Variants in ECE2 observed in about 807,000 individuals in gnomAD.
ECE2 encodes the protein endothelin-converting enzyme 2.
In ECE2, 81 loss-of-function variants were observed where a neutral mutation model predicts 100.6. The ratio of observed to expected loss-of-function variants is 0.81; its 90% CI spans 0.67 to 0.97. The LOEUF (loss-of-function observed/expected upper bound fraction) is 0.97. Ranked by LOEUF, ECE2 falls within the 50% of genes least tolerant of loss-of-function variation. ECE2 has a pLI of 0.00. For synonymous variants in ECE2, 391 were observed against 391.5 expected (o/e 1.00, Z 0.02); for missense variants, 911 against 988.1 (o/e 0.92, Z 1.05).
intron 9 of ECE2, among the ~76,000 whole-genome samples, 171 bp downstream of exon 9, chr3:184,285,276 C>T (rs900960412): frequency 1.3e-5 from 2 of 152,074 alleles, no homozygotes; most frequent in Non-Finnish European, 2.9e-5. Context: ...GCAGGGTGCT[C>T]CCTGTGATCT....
chr3:184,277,927 A>T lies in ECE2; in HGVS notation c.481A>T (p.Asn161Tyr), dbSNP rs1720636500. Residue 161 changes from asparagine to tyrosine, a missense_variant and splice_region_variant, in exon 5 of 19, where the codon AAC becomes TAC. Coordinates refer to ENST00000404464, the MANE Select transcript of ECE2 (RefSeq NM_001100121.2). ...NQAILKHLLE[N>Y]TTFNSSSEAE... Reference sequence around the variant, plus strand: ...GGATCCTGTGTTCTGCCCCACAGAAAACACCACCTTCAACTCCAGCAGTGA... The same window carrying T: ...GGATCCTGTGTTCTGCCCCACAGAATACACCACCTTCAACTCCAGCAGTGA... 2 of 1,611,780 alleles carry T rather than the reference A, an allele frequency of 1.2e-6. No homozygotes were observed. Among genetic ancestry groups the T allele is most frequent in the African/African-American group, 2.7e-5 (2 of 74,862 alleles).
intron 7 of ECE2, among the ~76,000 whole-genome samples, chr3:184,283,463 GC>G (rs1309579400): frequency 4.1e-5 from 6 of 147,956 alleles, no homozygotes; most frequent in African/African-American, 5.0e-5. Flanking sequence ...TTGGGAGGCT[GC>G]AGCAGGAGAA....
chr3:184,277,068 G>A, intron 3 of ECE2, 41 bp downstream of exon 3: 1 of 1,612,636 alleles, frequency 6.2e-7, no homozygotes, highest in African/African-American at 1.3e-5. Context: ...CATAACTAGG[G>A]GTTCTGGAGG....
chr3:184,291,706 G>GGGTGGGGCAAAT lies in ECE2; in HGVS notation c.2121+272_2121+273insGGCAAATGGTGG. Reference sequence around the variant, plus strand: ...AAGGTTGTCGTGCTTGCGGGGCACAGGGTGGCGAAGGGGGCAAACGTTCAT... The same window carrying GGGTGGGGCAAAT: ...AAGGTTGTCGTGCTTGCGGGGCACAGGGTGGGGCAAATGGTGGCGAAGGGGGCAAACGTTCAT... On this transcript the variant is annotated intron_variant, in intron 18 of 18. Transcript: ENST00000404464. The surrounding 1 kb of genome is among the most constrained non-coding windows in gnomAD (Gnocchi z 4.1). 2 of 512,224 alleles carry GGGTGGGGCAAAT rather than the reference G, an allele frequency of 3.9e-6. No individual in the cohort carries two copies. The highest frequency in any genetic ancestry group is 6.9e-6 in the Non-Finnish European group (2 of 290,074). The allele number at this position is 512,224 out of a possible 1,614,324, so 31.7% of individuals were successfully genotyped here.
chr3:184,276,151 A>G lies in ECE2; in HGVS notation c.-3A>G, dbSNP rs1275205498. 10 of 1,425,782 alleles carry G rather than the reference A, an allele frequency of 7.0e-6. No homozygotes were observed. The highest frequency in any genetic ancestry group is 9.1e-6 in the Non-Finnish European group (10 of 1,095,824). 88.3% of individuals were successfully genotyped at this position (1,425,782 alleles called of 1,614,324 possible). On this transcript the variant is annotated 5_prime_UTR_variant, in exon 1 of 19. Transcript: ENST00000404464. Reference sequence around the variant, plus strand: ...CTGAATCACCGCCTGGCCCGACTCCACCATGAACGTCGCGCTGCAGGAGCT... The same window carrying G: ...CTGAATCACCGCCTGGCCCGACTCCGCCATGAACGTCGCGCTGCAGGAGCT...
At chr3:184,276,783 G>A in intron 2 of ECE2, 109 bp from the exon 3 acceptor site, 6 of 1,566,866 alleles carry the variant, frequency 3.8e-6, no homozygotes, top group Non-Finnish European at 5.2e-6. Flanking sequence ...TTGCCCCCGG[G>A]CCCAGAGTTA....
At position 184,276,028 on chromosome 3, in the gene ECE2, G is replaced by A. The variant is rs1428703556; in HGVS notation, c.-126G>A. 14 of 1,060,712 alleles carry A rather than the reference G, an allele frequency of 1.3e-5. No homozygotes were observed. Among genetic ancestry groups the A allele is most frequent in the African/African-American group, 1.2e-4 (7 of 59,376 alleles). The allele number at this position is 1,060,712 out of a possible 1,614,324, so 65.7% of individuals were successfully genotyped here. ...GGCGGGGGGGGGGGCGGCCGCGGCCGAGCGGGGGTGCTGCGCGGCGGCCGT... is the reference window on the plus strand; with the variant it reads ...GGCGGGGGGGGGGGCGGCCGCGGCCAAGCGGGGGTGCTGCGCGGCGGCCGT... On this transcript the variant is annotated 5_prime_UTR_variant, in exon 1 of 19. Coordinates refer to ENST00000404464, the MANE Select transcript of ECE2 (RefSeq NM_001100121.2).
rs1721242413 is a variant in ECE2, at chr3:184,290,145, C to T, written c.1552-110C>T. The T allele has an allele frequency of 5.0e-5, 41 of 816,578 alleles. 1 individual carries two copies. The South Asian group carries it at 7.0e-4, about 14-fold the overall frequency. The allele number at this position is 816,578 out of a possible 1,614,324, so 50.6% of individuals were successfully genotyped here. On this transcript the variant is annotated intron_variant, in intron 13 of 18. Transcript: ENST00000404464. ...CAATTATGGTTTACTAGATATTTTA[C>T]AGTTGAGGAAACTGAGGTTTGGAGA...
In ECE2 at chr3:184,290,664, C is replaced by G; in HGVS notation, c.1763C>G (p.Pro588Arg). 1 of 1,613,984 alleles carries G rather than the reference C, an allele frequency of 6.2e-7. No individual in the cohort carries two copies. Among genetic ancestry groups the G allele is most frequent in the Non-Finnish European group, 8.5e-7 (1 of 1,179,948 alleles). The change falls in exon 15 of 19, where the codon CCC becomes CGC. Residue 588 changes from proline (P) to arginine (R), a missense_variant. Physicochemically the swap from Pro to Arg is moderately radical, Grantham distance 103. Transcript: ENST00000404464. The part of the protein sequence containing the change: ...LQAPFYARNH[P>R]KALNFGGIGV... The stretch of plus-strand genomic sequence containing the variant: ...GCCCCCTTCTATGCCCGCAACCACC[C>G]CAAGTGTGTCTGAAGCAGGAGGGGC...
chr3:184,283,123 C>T (rs1577139108), intron 7 of ECE2, among the ~76,000 whole-genome samples: 1 of 152,162 alleles, frequency 6.6e-6, no homozygotes, highest in Admixed American at 6.5e-5. Flanking sequence ...GAAGTAGGCC[C>T]ATCTGCTGGA....
chr3:184,290,236 CTTCCCACCT>C lies in ECE2; in HGVS notation c.1552-11_1552-3del, dbSNP rs1721247240. 6.3e-7 allele frequency: 1 copy of C among 1,597,968 alleles called. No homozygotes were observed. ...AATGGATTCTCTTGCTCTCTTTCTA[CTTCCCACCT>C]TTCCCACAGTACGAAATTTCTGAAG... On this transcript the variant is annotated splice_polypyrimidine_tract_variant and intron_variant, in intron 13 of 18. Coordinates refer to ENST00000404464, the MANE Select transcript of ECE2 (RefSeq NM_001100121.2).
At chr3:184,283,405 AC>A (rs1395856190) in intron 7 of ECE2, among the ~76,000 whole-genome samples, 3 of 151,490 alleles carry the variant, frequency 2.0e-5, no homozygotes, top group Non-Finnish European at 4.4e-5. Context: ...TACTAAAAAT[AC>A]AAAAAATTAG....
intron 7 of ECE2, among the ~76,000 whole-genome samples, chr3:184,279,246 G>A (rs1720710022): frequency 7.1e-6 from 1 of 141,806 alleles, no homozygotes; most frequent in Non-Finnish European, 1.5e-5. Context: ...GGAGGCGGAG[G>A]TTGCAGTGAG....
At chr3:184,281,132 A>G (rs1340159641) in intron 7 of ECE2, among the ~76,000 whole-genome samples, 1 of 152,150 alleles carries the variant, frequency 6.6e-6, no homozygotes, top group Non-Finnish European at 1.5e-5. Context: ...GAGTAGGACA[A>G]CCATTTGTCC....
chr3:184,276,146 A>C lies in ECE2; in HGVS notation c.-8A>C. On this transcript the variant is annotated 5_prime_UTR_variant, in exon 1 of 19. Transcript: ENST00000404464. ...GAGCCCTGAATCACCGCCTGGCCCG[A>C]CTCCACCATGAACGTCGCGCTGCAG... is the stretch of plus-strand genomic sequence containing the variant. 7.1e-7 allele frequency: 1 copy of C among 1,400,198 alleles called. No homozygotes were observed. The highest frequency in any genetic ancestry group is 9.2e-7 in the Non-Finnish European group (1 of 1,082,022). The allele number at this position is 1,400,198 out of a possible 1,614,324, so 86.7% of individuals were successfully genotyped here.
intron 10 of ECE2, 105 bp downstream of exon 10, chr3:184,285,697 A>G: frequency 1.2e-6 from 1 of 846,108 alleles, no homozygotes; most frequent in East Asian, 2.5e-5. Context: ...GGTGCATAGT[A>G]TGGAGCGCAG....
chr3:184,290,925 ACATTGATGTAGCCCCAAGGGC>A (rs1179475623), intron 16 of ECE2, 65 bp downstream of exon 16: 1 of 1,608,608 alleles, frequency 6.2e-7, no homozygotes, highest in Non-Finnish European at 8.5e-7. Flanking sequence ...AGGCCTTGGG[ACATTGATGTAGCCCCAAGGGC>A]CCTGAAGTCT....
At chr3:184,285,839 T>G (rs1365031311) in intron 10 of ECE2, among the ~76,000 whole-genome samples, 4 of 152,154 alleles carry the variant, frequency 2.6e-5, no homozygotes, top group African/African-American at 9.6e-5. Flanking sequence ...ACTTGGAGGG[T>G]TGTCAGGAAG....
At chr3:184,282,377 G>A (rs1386451009) in intron 7 of ECE2, among the ~76,000 whole-genome samples, 2 of 151,594 alleles carry the variant, frequency 1.3e-5, no homozygotes, top group African/African-American at 4.8e-5. Context: ...AGTAGAAGAA[G>A]AGATGGCCTT....
Sources: gnomAD v4.1 joint callset for allele counts (sites outside exome capture counted in the v4.1 genomes callset) on GRCh38, gnomAD v4.1.1 for gene constraint, Gnocchi (gnomAD v3.1) non-coding constraint, MANE v1.5 for transcripts, NCBI Gene and HGNC (gene_info 2026-07-23, HGNC 2026-07-21) for gene names.